RANBP2: variants seen among roughly 807,000 people sequenced by gnomAD.
RANBP2 encodes the protein RAN binding protein 2.
A neutral mutation model predicts 303.6 loss-of-function variants in RANBP2; 57 were observed. The ratio of observed to expected loss-of-function variants is 0.19; its 90% CI spans 0.15 to 0.23. RANBP2 has a LOEUF of 0.23. Among genes scored for constraint, RANBP2 ranks in the 10% least tolerant of loss-of-function variants. The probability of loss-of-function intolerance (pLI) is 1.00; values close to 1 mark genes in which losing one functional copy is unlikely to be tolerated. For synonymous variants in RANBP2, 1,167 were observed against 1,301.5 expected (o/e 0.90, Z 2.23); for missense variants, 3,138 against 3,780.8 (o/e 0.83, Z 4.46).
rs772694171 is a variant in RANBP2, at chr2:108,782,209, A to C, written c.8842A>C (p.Ser2948Arg). 5.6e-6 allele frequency: 9 copies of C among 1,614,094 alleles called. No individual in the cohort carries two copies. The South Asian group carries it at 7.7e-5, about 14-fold the overall frequency. ...AKLYRWDRDV[S>R]QWKERGVGDI... ...ACTTTATAGATGGGATCGGGATGTC[A>C]GTCAGTGGAAGGAGCGCGGTGTTGG... Residue 2948 changes from serine (S) to arginine (R), a missense_variant, in exon 27 of 29, where the codon AGT becomes CGT. Coordinates refer to ENST00000283195, the MANE Select transcript of RANBP2 (RefSeq NM_006267.5).
chr2:109,577,751 A>C, the RANBP2 span, among the ~76,000 whole-genome samples: 1 of 151,832 alleles, frequency 6.6e-6, no homozygotes, highest in Admixed American at 6.6e-5. Flanking sequence ...CATCTCCACT[A>C]AAAATACAAA....
At chr2:109,087,239 G>A in the RANBP2 span, among the ~76,000 whole-genome samples, 1 of 152,198 alleles carries the variant, frequency 6.6e-6, no homozygotes, top group Non-Finnish European at 1.5e-5. Context: ...CTGGGCACTA[G>A]GCCTGCTGGT....
chr2:109,508,666 A>T, the RANBP2 span, among the ~76,000 whole-genome samples: 1 of 152,078 alleles, frequency 6.6e-6, no homozygotes, highest in Non-Finnish European at 1.5e-5. Flanking sequence ...GCCTGGAGAC[A>T]GCCAGGAAGT....
chr2:109,442,182 G>A, the RANBP2 span, among the ~76,000 whole-genome samples: 2 of 151,954 alleles, frequency 1.3e-5, no homozygotes, highest in Non-Finnish European at 2.9e-5. Flanking sequence ...GTGTTGGCGG[G>A]CGCCTGTAGT....
the RANBP2 span, among the ~76,000 whole-genome samples, chr2:109,052,544 G>A: frequency 6.6e-6 from 1 of 152,238 alleles, no homozygotes; most frequent in East Asian, 1.9e-4. Context: ...GTCTTCTGGG[G>A]CAAATATGGT....
the RANBP2 span, among the ~76,000 whole-genome samples, chr2:108,878,669 TTAAA>T: frequency 4.6e-5 from 7 of 152,198 alleles, no homozygotes; most frequent in Non-Finnish European, 1.0e-4. Flanking sequence ...AAAATTGTTT[TTAAA>T]TAATGGGAAA....
At chr2:109,230,190 C>A in the RANBP2 span, among the ~76,000 whole-genome samples, 1 of 152,036 alleles carries the variant, frequency 6.6e-6, no homozygotes, top group African/African-American at 2.4e-5. Flanking sequence ...ATTGTTTATC[C>A]ATTCAAATAC....
chr2:109,587,622 G>A, the RANBP2 span, among the ~76,000 whole-genome samples: 1 of 152,100 alleles, frequency 6.6e-6, no homozygotes, highest in Non-Finnish European at 1.5e-5. Flanking sequence ...CAAGGATAAT[G>A]AAAACTTTAG....
chr2:109,701,820 T>G, the RANBP2 span, among the ~76,000 whole-genome samples: 1 of 152,178 alleles, frequency 6.6e-6, no homozygotes, highest in African/African-American at 2.4e-5. Flanking sequence ...GTCCTGAGAT[T>G]TATTTTCCTT....
the RANBP2 span, among the ~76,000 whole-genome samples, chr2:109,598,314 C>A: frequency 2.0e-5 from 3 of 152,002 alleles, no homozygotes; most frequent in Non-Finnish European, 4.4e-5. Flanking sequence ...GTGATCCGCC[C>A]ACCTCAGCCT....
chr2:109,538,448 G>A, the RANBP2 span, among the ~76,000 whole-genome samples: 2 of 152,176 alleles, frequency 1.3e-5, no homozygotes, highest in Admixed American at 6.5e-5. Flanking sequence ...TGTGAAAGAC[G>A]GGCTTTCTTT....
the RANBP2 span, among the ~76,000 whole-genome samples, chr2:109,405,389 C>T: frequency 1.2e-3 from 188 of 152,272 alleles, 2 homozygotes; most frequent in East Asian, 0.023. Context: ...GAGTTCCCTC[C>T]TGAGTCCCTT....
At chr2:109,111,131 A>G in the RANBP2 span, among the ~76,000 whole-genome samples, 4 of 152,220 alleles carry the variant, frequency 2.6e-5, no homozygotes, top group Non-Finnish European at 4.4e-5. Flanking sequence ...TTACTGCTTT[A>G]CAAGGTAGCC....
the RANBP2 span, among the ~76,000 whole-genome samples, chr2:109,092,685 G>A: frequency 1.3e-5 from 2 of 152,134 alleles, no homozygotes; most frequent in African/African-American, 4.8e-5. Flanking sequence ...CAACAAAAAG[G>A]GTAGGAAATT....
the RANBP2 span, chr2:108,910,966 C>T: frequency 6.2e-7 from 1 of 1,614,140 alleles, no homozygotes; most frequent in Non-Finnish European, 8.5e-7. Context: ...AGGGCTTTGT[C>T]TTCAGGATGT....
the RANBP2 span, among the ~76,000 whole-genome samples, chr2:109,103,209 G>A: frequency 6.6e-6 from 1 of 152,184 alleles, no homozygotes; most frequent in Non-Finnish European, 1.5e-5. Flanking sequence ...CTGCCCTAAC[G>A]TTATAACTAC....
At chr2:109,544,242 C>T in the RANBP2 span, 7 of 1,612,290 alleles carry the variant, frequency 4.3e-6, no homozygotes, top group South Asian at 1.1e-5. Context: ...AATCAAAGCA[C>T]ACTTCTAGTT....
At chr2:109,251,368 A>G in the RANBP2 span, 8 of 632,058 alleles carry the variant, frequency 1.3e-5, no homozygotes, top group East Asian at 2.3e-4. Context: ...CGGGAGCATG[A>G]GGGAGTCTGT....
At chr2:109,115,424 T>A in the RANBP2 span, among the ~76,000 whole-genome samples, 1 of 152,194 alleles carries the variant, frequency 6.6e-6, no homozygotes, top group South Asian at 2.1e-4. Context: ...TGGTTTAAAG[T>A]CTGTTTTATC....
Sources: allele counts gnomAD v4.1 joint callset (sites outside exome capture counted in the v4.1 genomes callset), GRCh38; gene constraint gnomAD v4.1.1; transcripts MANE v1.5; gene names NCBI Gene and HGNC (gene_info 2026-07-23, HGNC 2026-07-21).